The following ABHD2 variants were observed in gnomAD, a reference collection of about 807,000 sequenced individuals.
ABHD2 encodes the protein abhydrolase domain containing 2, acylglycerol lipase, also known as monoacylglycerol lipase ABHD2.
In ABHD2, 20 loss-of-function variants were observed where a neutral mutation model predicts 48.1. That is an observed-to-expected ratio of 0.42 (90% CI 0.29 to 0.60). The LOEUF is 0.60. Among genes scored for constraint, ABHD2 ranks in the 20% least tolerant of loss-of-function variants. The pLI is 0.24. For synonymous variants in ABHD2, 209 were observed against 214.2 expected (o/e 0.98, Z 0.21); for missense variants, 405 against 550.9 (o/e 0.74, Z 2.65).
chr15:89,193,398 A>C lies in ABHD2; in HGVS notation c.1081+79A>C. The stretch of plus-strand genomic sequence containing the variant: ...ATTCTGTCACCTTCACCATGCTGTC[A>C]TCTCCTGGAGACCACCCTCTTTAGG... On this transcript the variant is annotated intron_variant, in intron 10 of 10. Coordinates refer to ENST00000352732, the MANE Select transcript of ABHD2 (RefSeq NM_152924.5). The C allele has an allele frequency of 2.5e-6, 3 of 1,183,472 alleles. No individual in the cohort carries two copies. The South Asian group carries it at 3.7e-5, about 14-fold the overall frequency. 73.3% of individuals were successfully genotyped at this position (1,183,472 alleles called of 1,614,324 possible). A position where few individuals can be genotyped will look rare whatever the true frequency, so the allele number is the denominator to read the frequency against.
intron 6 of ABHD2, chr15:89,183,467 T>TA (rs1481048471): frequency 6.8e-6 from 1 of 146,892 alleles, no homozygotes; most frequent in Non-Finnish European, 1.5e-5. Flanking sequence ...GCAATATAAA[T>TA]TTAAGTTTCA....
At chr15:89,169,754 T>C (rs1173142157) in intron 5 of ABHD2, among the ~76,000 whole-genome samples, 2 of 152,172 alleles carry the variant, frequency 1.3e-5, no homozygotes, top group East Asian at 3.8e-4. Flanking sequence ...GTAAACATCT[T>C]TTTTTCCCTT....
chr15:89,139,889 C>T (rs910366334), intron 3 of ABHD2, among the ~76,000 whole-genome samples: 4 of 152,112 alleles, frequency 2.6e-5, no homozygotes, highest in African/African-American at 4.8e-5. Context: ...AGAATCTGAC[C>T]GGAGTTTCAG....
intron 4 of ABHD2, among the ~76,000 whole-genome samples, chr15:89,154,675 A>C (rs1042324733): frequency 3.9e-5 from 6 of 152,158 alleles, no homozygotes; most frequent in African/African-American, 1.4e-4. Context: ...CACTTAATTT[A>C]TGGAAGAGCT....
At position 89,195,244 on chromosome 15, in the gene ABHD2, A is replaced by G. The variant is rs147106119; in HGVS notation, c.1099A>G (p.Met367Val). The change falls in exon 11 of 11, where the codon ATG becomes GTG. Residue 367 changes from methionine (M) to valine (V), a missense_variant. Physicochemically the swap from Met to Val is conservative, Grantham distance 21. Coordinates refer to ENST00000352732, the MANE Select transcript of ABHD2 (RefSeq NM_152924.5). The surrounding 1 kb of genome is among the most constrained non-coding windows in gnomAD (Gnocchi z 5.1). ...CCCTGCAGAGAAACGAGAGAACGTC[A>G]TGTTTGTGCTGCCTCTGCATGGGGG... ...KSLSEKRENVMFVLPLHGGHL... is the reference protein window; with the variant it reads ...KSLSEKRENVVFVLPLHGGHL... 6.2e-7 allele frequency: 1 copy of G among 1,613,780 alleles called. No homozygotes were observed. Among genetic ancestry groups the G allele is most frequent in the Non-Finnish European group, 8.5e-7 (1 of 1,179,824 alleles).
rs983685685 is a variant in ABHD2 at position 89,186,111 on chromosome 15, T to C, written c.815+595T>C. 6.6e-6 allele frequency among the ~76,000 whole-genome samples: 1 copy of C among 152,206 alleles called. No homozygotes were observed. The highest frequency in any genetic ancestry group is 1.5e-5 in the Non-Finnish European group (1 of 68,034). ...AGCAGTCACGAGGTGGCTGTCATTG[T>C]TGAGGAGACCTTCCCTGTAGGATGC... is the stretch of plus-strand genomic sequence containing the variant. On this transcript the variant is annotated intron_variant, in intron 7 of 10. Coordinates refer to ENST00000352732, the MANE Select transcript of ABHD2 (RefSeq NM_152924.5). This position sits in a 1 kb window ranked among gnomAD's most constrained non-coding sequence, Gnocchi z 4.3.
chr15:89,074,874 T>C, the ABHD2 span, among the ~76,000 whole-genome samples: 2 of 152,220 alleles, frequency 1.3e-5, no homozygotes, highest in Admixed American at 6.5e-5. Flanking sequence ...GCTGTCATCC[T>C]GTTTCCTGCC....
At chr15:89,190,512 G>C (rs1035601360) in intron 8 of ABHD2, among the ~76,000 whole-genome samples, 7 of 152,072 alleles carry the variant, frequency 4.6e-5, no homozygotes, top group Admixed American at 1.3e-4. Context: ...ACTCCACTAA[G>C]AACTCTGTTA....
intron 3 of ABHD2, among the ~76,000 whole-genome samples, chr15:89,139,064 A>C (rs1309097490): frequency 6.6e-6 from 1 of 151,810 alleles, no homozygotes; most frequent in Non-Finnish European, 1.5e-5. Context: ...AAAAAAAATT[A>C]ACTGGGCATG....
At chr15:89,078,307 A>T in the ABHD2 span, among the ~76,000 whole-genome samples, 1 of 152,226 alleles carries the variant, frequency 6.6e-6, no homozygotes, top group Non-Finnish European at 1.5e-5. Flanking sequence ...AATTGGACTA[A>T]AATATGGCTT....
the ABHD2 span, among the ~76,000 whole-genome samples, chr15:89,060,215 C>T: frequency 2.6e-5 from 4 of 150,952 alleles, 1 homozygote; most frequent in Non-Finnish European, 4.4e-5. Flanking sequence ...CTCAGCCTCC[C>T]AAGTAGCTCA....
intron 6 of ABHD2, among the ~76,000 whole-genome samples, chr15:89,180,820 C>T (rs944821381): frequency 1.3e-5 from 2 of 152,186 alleles, no homozygotes; most frequent in African/African-American, 4.8e-5. Context: ...ATCCACATGT[C>T]CAGCATGGGA....
At chr15:89,103,129 C>T (rs753767447) in intron 1 of ABHD2, among the ~76,000 whole-genome samples, 9 of 152,158 alleles carry the variant, frequency 5.9e-5, no homozygotes, top group Non-Finnish European at 1.3e-4. Flanking sequence ...TTAGATCATT[C>T]GGTATCCTCA....
intron 5 of ABHD2, among the ~76,000 whole-genome samples, chr15:89,161,740 AG>A (rs1453384868): frequency 6.6e-6 from 1 of 152,234 alleles, no homozygotes; most frequent in African/African-American, 2.4e-5. Context: ...CAGCCTGTCC[AG>A]TTTCATCTGT....
At chr15:89,191,816 A>T (rs912346044) in intron 9 of ABHD2, among the ~76,000 whole-genome samples, 7 of 151,816 alleles carry the variant, frequency 4.6e-5, no homozygotes, top group African/African-American at 1.7e-4. Flanking sequence ...TTTAGTAGAG[A>T]TGGGGTTTCA....
the ABHD2 span, among the ~76,000 whole-genome samples, chr15:89,059,955 C>T: frequency 6.6e-6 from 1 of 152,022 alleles, no homozygotes; most frequent in African/African-American, 2.4e-5. Context: ...TGCATTGGCT[C>T]TTGGTTCCCA....
chr15:89,159,164 G>A (rs143526769), intron 5 of ABHD2, among the ~76,000 whole-genome samples: 8,350 of 151,862 alleles, frequency 0.055, 809 homozygotes, highest in African/African-American at 0.19. Context: ...ATTACCTGAG[G>A]TCAGGAGTTT....
rs142842051 is a variant in ABHD2 at position 89,109,521 on chromosome 15, C to T, written c.-106-4204C>T. Among the ~76,000 whole-genome samples, 504 of 152,044 alleles carry T rather than the reference C, an allele frequency of 3.3e-3. 2 individuals carry two copies. Among genetic ancestry groups the T allele is most frequent in the Middle Eastern group, 0.017 (5 of 294 alleles). Reference sequence around the variant, plus strand: ...ATCTGCGACATACCCAGCCCTCCAGCTGTTCTCTGTGACTTCTTTTCCCTA... The same window carrying T: ...ATCTGCGACATACCCAGCCCTCCAGTTGTTCTCTGTGACTTCTTTTCCCTA... On this transcript the variant is annotated intron_variant, in intron 1 of 10. Coordinates refer to ENST00000352732, the MANE Select transcript of ABHD2 (RefSeq NM_152924.5).
chr15:89,079,793 C>T, the ABHD2 span, among the ~76,000 whole-genome samples: 1 of 152,202 alleles, frequency 6.6e-6, no homozygotes, highest in East Asian at 1.9e-4. The surrounding 1 kb of genome is among the most constrained non-coding windows in gnomAD (Gnocchi z 4.3). Flanking sequence ...CTTCTTCTAG[C>T]TCAGCATGAT....
Sources: allele counts gnomAD v4.1 joint callset (sites outside exome capture counted in the v4.1 genomes callset), GRCh38; gene constraint gnomAD v4.1.1; non-coding constraint Gnocchi (gnomAD v3.1); transcripts MANE v1.5; gene names NCBI Gene and HGNC (gene_info 2026-07-23, HGNC 2026-07-21).